Variants in PIK3C3 observed in about 807,000 individuals in gnomAD.
The protein encoded by PIK3C3 is PI3-kinase type 3.
Under a neutral mutation model 126.1 loss-of-function variants are expected in PIK3C3, and 95 were observed. The observed-to-expected ratio is 0.75, with a 90% CI of 0.64 to 0.89. The LOEUF (loss-of-function observed/expected upper bound fraction) is 0.89. Ranked by LOEUF, PIK3C3 falls within the 40% of genes least tolerant of loss-of-function variation. The pLI, the probability that PIK3C3 is intolerant of heterozygous loss-of-function variation, is 0.00. For synonymous variants in PIK3C3, 374 were observed against 360.0 expected (o/e 1.04, Z -0.44); for missense variants, 829 against 1,063.2 (o/e 0.78, Z 3.06).
At chr18:41,964,763 A>G (rs1980272020) in intron 3 of PIK3C3, among the ~76,000 whole-genome samples, 1 of 152,104 alleles carries the variant, frequency 6.6e-6, no homozygotes, top group Non-Finnish European at 1.5e-5. Flanking sequence ...TATATATGTT[A>G]ATTAAAGAGA....
chr18:42,043,707 A>G (rs1984429947), intron 19 of PIK3C3, 26 bp from the exon 20 acceptor site: 6 of 1,490,022 alleles, frequency 4.0e-6, no homozygotes, highest in Non-Finnish European at 5.6e-6. Flanking sequence ...ACTTAATTCT[A>G]AAACATGTAA....
At chr18:42,006,673 C>CT (rs1163831030) in intron 10 of PIK3C3, among the ~76,000 whole-genome samples, 1 of 152,098 alleles carries the variant, frequency 6.6e-6, no homozygotes, top group Non-Finnish European at 1.5e-5. Context: ...GTCCTGAACT[C>CT]TGTCACTGTA....
At chr18:41,991,863 A>G (rs181896292) in intron 6 of PIK3C3, among the ~76,000 whole-genome samples, 126 of 152,308 alleles carry the variant, frequency 8.3e-4, no homozygotes, top group African/African-American at 2.7e-3. Flanking sequence ...ACATCAAAAC[A>G]AGGGAAATGT....
chr18:42,069,293 C>G (rs892805772), intron 24 of PIK3C3, among the ~76,000 whole-genome samples: 5 of 152,142 alleles, frequency 3.3e-5, no homozygotes, highest in African/African-American at 1.2e-4. Context: ...AGTCAACCAG[C>G]TAGCTAAAGG....
intron 10 of PIK3C3, among the ~76,000 whole-genome samples, chr18:42,008,122 A>G (rs1982637858): frequency 6.6e-6 from 1 of 152,212 alleles, no homozygotes; most frequent in Non-Finnish European, 1.5e-5. Context: ...TCAGCCATAC[A>G]CTTGTAAAAT....
At chr18:41,977,451 G>A (rs935903184) in intron 4 of PIK3C3, among the ~76,000 whole-genome samples, 4 of 151,738 alleles carry the variant, frequency 2.6e-5, no homozygotes, top group African/African-American at 9.7e-5. Flanking sequence ...GCAAAATTGC[G>A]GAAACGTTTT....
chr18:41,985,707 G>A (rs1477492708), intron 4 of PIK3C3, among the ~76,000 whole-genome samples: 1 of 152,116 alleles, frequency 6.6e-6, no homozygotes, highest in African/African-American at 2.4e-5. Flanking sequence ...CATAGTGACT[G>A]TACCAGTTTT....
intron 16 of PIK3C3, among the ~76,000 whole-genome samples, chr18:42,035,709 G>C (rs375614194): frequency 1.3e-5 from 2 of 151,998 alleles, no homozygotes; most frequent in African/African-American, 4.8e-5. Context: ...GAAAGTGATG[G>C]ATTATGCACT....
At chr18:41,993,958 C>T (rs538463344) in intron 7 of PIK3C3, among the ~76,000 whole-genome samples, 1 of 152,242 alleles carries the variant, frequency 6.6e-6, no homozygotes, top group South Asian at 2.1e-4. Flanking sequence ...GGCACAAAAT[C>T]CTTTTAGCAG....
intron 24 of PIK3C3, among the ~76,000 whole-genome samples, 197 bp from the exon 25 acceptor site, chr18:42,080,926 A>C (rs1211867212): frequency 6.6e-6 from 1 of 152,178 alleles, no homozygotes; most frequent in Non-Finnish European, 1.5e-5. Flanking sequence ...TTATTTTCTC[A>C]TATAAACTGA....
chr18:42,038,776 A>G lies in PIK3C3; in HGVS notation c.1969-5A>G, dbSNP rs1598920409. ...GGTTAATATATTTTACCTTTTGATTAAAAGCTGTTACGGAAAGAAAATCTG... is the reference window on the plus strand; with the variant it reads ...GGTTAATATATTTTACCTTTTGATTGAAAGCTGTTACGGAAAGAAAATCTG... On this transcript the variant is annotated splice_region_variant and splice_polypyrimidine_tract_variant and intron_variant, in intron 17 of 24. Transcript: ENST00000262039. 2 of 1,588,286 alleles carry G rather than the reference A, an allele frequency of 1.3e-6. No individual in the cohort carries two copies. Among genetic ancestry groups the G allele is most frequent in the Non-Finnish European group, 1.7e-6 (2 of 1,157,700 alleles).
At chr18:41,984,369 A>G (rs1474461186) in intron 4 of PIK3C3, among the ~76,000 whole-genome samples, 1 of 152,178 alleles carries the variant, frequency 6.6e-6, no homozygotes, top group Non-Finnish European at 1.5e-5. Context: ...ATCAGCACCC[A>G]TAAGAGATGA....
chr18:41,966,715 A>C (rs981130504), intron 3 of PIK3C3, among the ~76,000 whole-genome samples: 1 of 152,182 alleles, frequency 6.6e-6, no homozygotes, highest in Non-Finnish European at 1.5e-5. Flanking sequence ...ATATGCATAC[A>C]ATATCTGCAA....
At chr18:41,957,131 C>T (rs1343173509) in intron 1 of PIK3C3, among the ~76,000 whole-genome samples, 4 of 152,262 alleles carry the variant, frequency 2.6e-5, no homozygotes, top group African/African-American at 4.8e-5. Flanking sequence ...TACTGTATTG[C>T]TTATCTTTTC....
At chr18:42,077,887 T>C (rs934854774) in intron 24 of PIK3C3, among the ~76,000 whole-genome samples, 27 of 152,222 alleles carry the variant, frequency 1.8e-4, no homozygotes, top group Admixed American at 1.2e-3. Flanking sequence ...AATGTATTTC[T>C]TAAATAATAG....
chr18:41,972,002 A>G (rs1237936785), intron 4 of PIK3C3, among the ~76,000 whole-genome samples: 1 of 152,076 alleles, frequency 6.6e-6, no homozygotes, highest in Non-Finnish European at 1.5e-5. Flanking sequence ...AGGTTTAAAA[A>G]ATAATTTTTG....
chr18:41,994,634 C>T (rs1392020916), intron 7 of PIK3C3, among the ~76,000 whole-genome samples: 13 of 151,676 alleles, frequency 8.6e-5, no homozygotes, highest in Admixed American at 8.6e-4. Context: ...TTCACTAAGT[C>T]ATAATACTGA....
At chr18:41,978,038 T>G (rs975516547) in intron 4 of PIK3C3, among the ~76,000 whole-genome samples, 2 of 152,320 alleles carry the variant, frequency 1.3e-5, no homozygotes, top group African/African-American at 4.8e-5. Context: ...CACAGCTCAC[T>G]GCAGCCTCAG....
At chr18:42,046,733 T>C (rs2144485751) in intron 20 of PIK3C3, among the ~76,000 whole-genome samples, 1 of 152,250 alleles carries the variant, frequency 6.6e-6, no homozygotes, top group East Asian at 1.9e-4. Context: ...ATCATCCCAT[T>C]CTTACCTCAA....
Sources: allele counts gnomAD v4.1 joint callset (sites outside exome capture counted in the v4.1 genomes callset), GRCh38; gene constraint gnomAD v4.1.1; transcripts MANE v1.5; gene names NCBI Gene and HGNC (gene_info 2026-07-23, HGNC 2026-07-21).